Variants in FCHO2 observed in about 807,000 individuals in gnomAD.
FCHO2 encodes the protein FCH and mu domain containing endocytic adaptor 2.
In FCHO2, 43 loss-of-function variants were observed where a neutral mutation model predicts 114.1. The observed-to-expected ratio is 0.38, with a 90% CI of 0.30 to 0.49. FCHO2 has a LOEUF of 0.49. Ranked by LOEUF, FCHO2 falls within the 20% of genes least tolerant of loss-of-function variation. The probability of loss-of-function intolerance (pLI) is 0.97; values close to 1 mark genes in which losing one functional copy is unlikely to be tolerated. For synonymous variants in FCHO2, 293 were observed against 315.2 expected (o/e 0.93, Z 0.75); for missense variants, 807 against 950.4 (o/e 0.85, Z 1.98).
intron 6 of FCHO2, among the ~76,000 whole-genome samples, chr5:73,007,698 A>G (rs144452130): frequency 2.7e-4 from 41 of 152,368 alleles, no homozygotes; most frequent in African/African-American, 9.6e-4. Context: ...TGTATACAGT[A>G]CATCTGTAAA....
At chr5:73,004,734 T>A (rs1055188937) in intron 5 of FCHO2, among the ~76,000 whole-genome samples, 1 of 152,142 alleles carries the variant, frequency 6.6e-6, no homozygotes, top group Non-Finnish European at 1.5e-5. Flanking sequence ...GATTTCACTT[T>A]CCTTGGTTTC....
At chr5:72,968,042 G>A (rs951264150) in intron 1 of FCHO2, among the ~76,000 whole-genome samples, 5 of 148,758 alleles carry the variant, frequency 3.4e-5, no homozygotes, top group African/African-American at 1.0e-4. Flanking sequence ...CTCCTGCCTC[G>A]GCCTCCCAAG....
chr5:73,074,126 G>A (rs1489290973), intron 19 of FCHO2, among the ~76,000 whole-genome samples: 6 of 150,568 alleles, frequency 4.0e-5, no homozygotes, highest in Non-Finnish European at 1.5e-5. Context: ...TGTAGACACT[G>A]ATCTTTCTCT....
intron 17 of FCHO2, among the ~76,000 whole-genome samples, chr5:73,060,541 A>AACCAGTCT (rs1317988783): frequency 6.6e-6 from 1 of 151,998 alleles, no homozygotes; most frequent in Non-Finnish European, 1.5e-5. Context: ...CGCTAGTTAC[A>AACCAGTCT]ACCAGTCTTA....
intron 24 of FCHO2, among the ~76,000 whole-genome samples, chr5:73,085,329 A>G (rs1475999817): frequency 2.0e-5 from 3 of 152,116 alleles, no homozygotes; most frequent in Non-Finnish European, 2.9e-5. Flanking sequence ...AGCCTGGCGC[A>G]GAGACTCCGT....
At position 73,064,011 on chromosome 5, in the gene FCHO2, A is replaced by G. The variant is rs77811022; in HGVS notation, c.1449+67A>G. Reference sequence around the variant, plus strand: ...TTTAAGATGCAAATGCTATTTTTCTATATGCCCTTTTACAGTTAATTGCTT... The same window carrying G: ...TTTAAGATGCAAATGCTATTTTTCTGTATGCCCTTTTACAGTTAATTGCTT... On this transcript the variant is annotated intron_variant, in intron 18 of 25. Coordinates refer to ENST00000430046, the MANE Select transcript of FCHO2 (RefSeq NM_138782.3). 2.2e-3 allele frequency: 3,035 copies of G among 1,405,342 alleles called. 50 individuals carry two copies. The African/African-American group carries it at 0.038, about 17-fold the overall frequency. 87.1% of individuals were successfully genotyped at this position (1,405,342 alleles called of 1,614,324 possible).
At chr5:73,075,932 G>C (rs1413206328) in intron 20 of FCHO2, among the ~76,000 whole-genome samples, 2 of 152,152 alleles carry the variant, frequency 1.3e-5, no homozygotes, top group Non-Finnish European at 2.9e-5. Flanking sequence ...TAAAATACTT[G>C]GTAGTGTAAT....
rs1383270935 is a variant in FCHO2, at chr5:73,074,657, C to A, written c.1580-85C>A. 2.2e-5 allele frequency: 28 copies of A among 1,262,240 alleles called. 1 individual carries two copies. The highest frequency in any genetic ancestry group is 3.1e-5 in the Non-Finnish European group (28 of 893,866). The allele number at this position is 1,262,240 out of a possible 1,614,324, so 78.2% of individuals were successfully genotyped here. ...AAACCAGTGGTAGGGTCGTTTGTGACAGCCTAACAATGTGAATCTAACTAT... is the reference window on the plus strand; with the variant it reads ...AAACCAGTGGTAGGGTCGTTTGTGAAAGCCTAACAATGTGAATCTAACTAT... On this transcript the variant is annotated intron_variant, in intron 19 of 25. Coordinates refer to ENST00000430046, the MANE Select transcript of FCHO2 (RefSeq NM_138782.3).
In FCHO2 at chr5:73,078,227, T is replaced by C. The variant is rs764157752; in HGVS notation, c.1895T>C (p.Met632Thr). ...AACACAAAAGATTTTTGGATGAACA[T>C]GCAAGCTGTTACAGTCTACCTCAAG... Reference protein sequence around the residue: ...DSNTKDFWMNMQAVTVYLKKL... With the variant: ...DSNTKDFWMNTQAVTVYLKKL... The change falls in exon 22 of 26, where the codon ATG becomes ACG. Residue 632 changes from methionine to threonine, a missense_variant. Coordinates refer to ENST00000430046, the MANE Select transcript of FCHO2 (RefSeq NM_138782.3). 1.3e-6 allele frequency: 2 copies of C among 1,586,398 alleles called. No homozygotes were observed. The highest frequency in any genetic ancestry group is 1.8e-5 in the Admixed American group (1 of 56,946).
At position 73,006,539 on chromosome 5, in the gene FCHO2, A is replaced by C. The variant is rs1379830153; in HGVS notation, c.590A>C (p.Glu197Ala). ...GCTGATTTCGAACAGAAAATGACAG[A>C]AACAGCTCAGGTTGGTATTTTAAGG... ...AKADFEQKMTETAQKFQDIEE... is the reference protein window; with the variant it reads ...AKADFEQKMTATAQKFQDIEE... Residue 197 changes from glutamate (E) to alanine (A), a missense_variant, in exon 6 of 26, where the codon GAA becomes GCA. By Grantham distance (107) the Glu-to-Ala change is moderately radical. Coordinates refer to ENST00000430046, the MANE Select transcript of FCHO2 (RefSeq NM_138782.3). 6.4e-7 allele frequency: 1 copy of C among 1,558,574 alleles called. No individual in the cohort carries two copies. The highest frequency in any genetic ancestry group is 8.6e-7 in the Non-Finnish European group (1 of 1,156,184).
rs995716205 is a variant in FCHO2, at chr5:73,082,029, A to G, written c.2180+47A>G. On this transcript the variant is annotated intron_variant, in intron 23 of 25. Transcript: ENST00000430046. ...GAATTCCCACTAAATTTTTGTTGCAATCCCCAACTTCTAGAACCCAAGTTC... is the reference window on the plus strand; with the variant it reads ...GAATTCCCACTAAATTTTTGTTGCAGTCCCCAACTTCTAGAACCCAAGTTC... The G allele has an allele frequency of 3.6e-6, 5 of 1,373,398 alleles. No homozygotes were observed. In the African/African-American group the frequency reaches 7.4e-5, roughly 20 times the overall value. 85.1% of individuals were successfully genotyped at this position (1,373,398 alleles called of 1,614,324 possible). A position where few individuals can be genotyped will look rare whatever the true frequency, so the allele number is the denominator to read the frequency against.
chr5:73,049,978 A>G (rs1757266270), intron 11 of FCHO2, among the ~76,000 whole-genome samples: 1 of 152,082 alleles, frequency 6.6e-6, no homozygotes, highest in African/African-American at 2.4e-5. Flanking sequence ...GCCCCAGCCA[A>G]TCCTGCCCAT....
chr5:73,015,772 T>C, intron 7 of FCHO2, 48 bp downstream of exon 7: 1 of 1,110,218 alleles, frequency 9.0e-7, no homozygotes, highest in East Asian at 2.7e-5. Flanking sequence ...AATTTGTTTA[T>C]TTATAGCTCT....
At chr5:73,035,194 G>A in intron 9 of FCHO2, among the ~76,000 whole-genome samples, 1 of 152,074 alleles carries the variant, frequency 6.6e-6, no homozygotes, top group Non-Finnish European at 1.5e-5. Context: ...GAGGCAGGAG[G>A]ATTACTTGAG....
chr5:73,054,694 T>G (rs1330286462), intron 15 of FCHO2, 145 bp downstream of exon 15: 3 of 580,172 alleles, frequency 5.2e-6, no homozygotes, highest in Non-Finnish European at 8.7e-6. Context: ...TTATTTTAAA[T>G]AGAAAACAGC....
chr5:72,981,858 C>G (rs1753229334), intron 2 of FCHO2, among the ~76,000 whole-genome samples: 1 of 152,112 alleles, frequency 6.6e-6, no homozygotes, highest in Non-Finnish European at 1.5e-5. Flanking sequence ...AACCTTTTTT[C>G]AAGGTACTTA....
At chr5:73,037,643 C>T (rs1405193855) in intron 10 of FCHO2, 17 of 277,116 alleles carry the variant, frequency 6.1e-5, no homozygotes, top group African/African-American at 2.3e-4. Flanking sequence ...GATACCTATA[C>T]ATACATTGAT....
At chr5:73,011,771 C>T (rs1337497236) in intron 6 of FCHO2, among the ~76,000 whole-genome samples, 7 of 152,162 alleles carry the variant, frequency 4.6e-5, no homozygotes, top group African/African-American at 1.4e-4. Context: ...ATTAGCTGGG[C>T]GTGGTGGTAC....
intron 11 of FCHO2, among the ~76,000 whole-genome samples, chr5:73,042,847 A>C (rs749637041): frequency 1.2e-4 from 19 of 152,234 alleles, no homozygotes; most frequent in Non-Finnish European, 2.5e-4. Flanking sequence ...TATTGCTCAA[A>C]ATAGTGGTGT....
Sources: gnomAD v4.1 joint callset for allele counts (sites outside exome capture counted in the v4.1 genomes callset) on GRCh38, gnomAD v4.1.1 for gene constraint, MANE v1.5 for transcripts, NCBI Gene and HGNC (gene_info 2026-07-23, HGNC 2026-07-21) for gene names.